Variants in PTPA observed in about 807,000 individuals in gnomAD.
PTPA encodes serine/threonine-protein phosphatase 2A activator.
Under a neutral mutation model 43.6 loss-of-function variants are expected in PTPA, and 13 were observed. The observed-to-expected ratio is 0.30, with a 90% CI of 0.19 to 0.47. The LOEUF (loss-of-function observed/expected upper bound fraction) is 0.47. PTPA is among the 20% of genes least tolerant of loss of function. The pLI is 0.99. For synonymous variants in PTPA, 172 were observed against 158.2 expected (o/e 1.09, Z -0.66); for missense variants, 329 against 411.9 (o/e 0.80, Z 1.74).
intron 1 of PTPA, chr9:129,119,013 T>A: frequency 6.1e-6 from 1 of 164,218 alleles, no homozygotes; most frequent in Non-Finnish European, 1.4e-5. Context: ...GTTTTGTTTT[T>A]ATTGAGACAG....
At position 129,142,563 on chromosome 9, in the gene PTPA, G is replaced by T; in HGVS notation, c.894+11G>T. 6.2e-7 allele frequency: 1 copy of T among 1,614,036 alleles called. No homozygotes were observed. The highest frequency in any genetic ancestry group is 8.5e-7 in the Non-Finnish European group (1 of 1,179,958). Reference sequence around the variant, plus strand: ...ATGTATAAGGCCGAGGTGAGTGGGGGCTGGCCAGTGTGCCCGTCCCTGCTG... The same window carrying T: ...ATGTATAAGGCCGAGGTGAGTGGGGTCTGGCCAGTGTGCCCGTCCCTGCTG... On this transcript the variant is annotated intron_variant, in intron 9 of 9. Transcript: ENST00000393370.
At chr9:129,138,247 G>A (rs7870838) in intron 8 of PTPA, 9,624 of 173,756 alleles carry the variant, frequency 0.055, 947 homozygotes, top group African/African-American at 0.21. Flanking sequence ...CCAGCCCCAC[G>A]GCTGGGTTCT....
In PTPA at chr9:129,134,296, C is replaced by CTTTTTTTTT. The variant is rs68089837; in HGVS notation, c.461-479_461-471dup. 1.4e-4 allele frequency among the ~76,000 whole-genome samples: 8 copies of CTTTTTTTTT among 56,906 alleles called. 2 individuals carry two copies. The highest frequency in any genetic ancestry group is 5.5e-4 in the African/African-American group (7 of 12,790). The allele number at this position is 56,906 out of a possible 152,430, so 37.3% of individuals were successfully genotyped here. The stretch of plus-strand genomic sequence containing the variant: ...GAGTGGAATTATAGTACTGGTAGTT[C>CTTTTTTTTT]TTTTTTTTTTTTTTTTTTTTTTTTT... On this transcript the variant is annotated intron_variant, in intron 5 of 9. Coordinates refer to ENST00000393370, the MANE Select transcript of PTPA (RefSeq NM_178000.3).
chr9:129,143,159 C>T (rs1851019825), intron 9 of PTPA: 1 of 606,716 alleles, frequency 1.6e-6, no homozygotes, highest in African/African-American at 1.8e-5. Flanking sequence ...GTGTCTCCTG[C>T]CCTCTTGGCA....
At chr9:129,138,299 A>C (rs1850516672) in intron 8 of PTPA, among the ~76,000 whole-genome samples, 1 of 152,192 alleles carries the variant, frequency 6.6e-6, no homozygotes, top group African/African-American at 2.4e-5. Flanking sequence ...GATTCCTTGC[A>C]GTGGGCCCTG....
At chr9:129,143,265 T>A in intron 9 of PTPA, 1 of 700,384 alleles carries the variant, frequency 1.4e-6, no homozygotes, top group Non-Finnish European at 2.6e-6. Flanking sequence ...TCCTCCCACT[T>A]CCTGGGAAGA....
chr9:129,111,387 T>G, upstream of PTPA: 28 of 1,201,152 alleles, frequency 2.3e-5, no homozygotes, highest in Middle Eastern at 3.2e-4. Context: ...CGCCGGCCGT[T>G]AATAGGCTTG....
Position 129,147,659 on chromosome 9 carries a change from A to G in PTPA, c.*195A>G, listed in dbSNP as rs1316404521. The G allele has an allele frequency of 1.7e-6, 1 of 597,452 alleles. No homozygotes were observed. Among genetic ancestry groups the G allele is most frequent in the Non-Finnish European group, 2.9e-6 (1 of 340,444 alleles). The allele number at this position is 597,452 out of a possible 1,614,324, so 37.0% of individuals were successfully genotyped here. On this transcript the variant is annotated 3_prime_UTR_variant, in exon 10 of 10. Coordinates refer to ENST00000393370, the MANE Select transcript of PTPA (RefSeq NM_178000.3). ...AGGGCCCAAGTTGGGAGAAGTGACC[A>G]AAGTGTAGCCAGTTTTCTGAGTTCC...
intron 8 of PTPA, chr9:129,139,416 G>C (rs1397570100): frequency 6.6e-6 from 1 of 152,244 alleles, no homozygotes; most frequent in East Asian, 1.9e-4. Context: ...GCCTAGAGTT[G>C]TTGGCTGTTC....
intron 3 of PTPA, among the ~76,000 whole-genome samples, chr9:129,124,048 T>C (rs927532068): frequency 1.3e-5 from 2 of 152,132 alleles, no homozygotes; most frequent in African/African-American, 2.4e-5. Flanking sequence ...ACTGGAGAGA[T>C]CAGTAATAGA....
rs3118628 is a variant in PTPA, at chr9:129,123,000, G to C, written c.130-52G>C. 36 of 1,376,356 alleles carry C rather than the reference G, an allele frequency of 2.6e-5. No individual in the cohort carries two copies. In the South Asian group the frequency reaches 4.2e-4, roughly 16 times the overall value. The allele number at this position is 1,376,356 out of a possible 1,614,324, so 85.3% of individuals were successfully genotyped here. On this transcript the variant is annotated intron_variant, in intron 2 of 9. Transcript: ENST00000393370. The stretch of plus-strand genomic sequence containing the variant: ...TGGTGGAGCTCGGGGCAGGTGGGGC[G>C]GGGGGGTCTGCCACCCCTCTCCCCA...
At chr9:129,143,928 C>T (rs1250541132) in intron 9 of PTPA, among the ~76,000 whole-genome samples, 1 of 151,724 alleles carries the variant, frequency 6.6e-6, no homozygotes, top group Non-Finnish European at 1.5e-5. Context: ...TCCAGGGTGT[C>T]TGAGCATGTG....
At chr9:129,146,329 C>T (rs921010294) in intron 9 of PTPA, among the ~76,000 whole-genome samples, 4 of 152,212 alleles carry the variant, frequency 2.6e-5, no homozygotes, top group African/African-American at 4.8e-5. Flanking sequence ...TCCCTCCCCT[C>T]CTGGCGCCTC....
At chr9:129,137,835 G>A (rs751130221) in intron 8 of PTPA, 143 bp downstream of exon 8, 1 of 757,650 alleles carries the variant, frequency 1.3e-6, no homozygotes, top group South Asian at 1.5e-5. Flanking sequence ...TGAAAAGGAA[G>A]CACCACTGGG....
At chr9:129,146,679 T>G (rs1333587130) in intron 9 of PTPA, among the ~76,000 whole-genome samples, 1 of 152,224 alleles carries the variant, frequency 6.6e-6, no homozygotes, top group East Asian at 1.9e-4. Flanking sequence ...GAGCTGCAGC[T>G]GGAAGCTGGG....
At chr9:129,131,749 C>A in intron 5 of PTPA, 110 bp downstream of exon 5, 1 of 1,074,146 alleles carries the variant, frequency 9.3e-7, no homozygotes, top group Non-Finnish European at 1.4e-6. Flanking sequence ...AAGAATTCGC[C>A]AAGCACCTGC....
chr9:129,147,534 C>T lies in PTPA; in HGVS notation c.*70C>T, dbSNP rs981487876. Reference sequence around the variant, plus strand: ...TGCCTTCCCCACCCCAGCAGTGGCCCCTCCCCATCCCCTCCCTCTGTTCGT... The same window carrying T: ...TGCCTTCCCCACCCCAGCAGTGGCCTCTCCCCATCCCCTCCCTCTGTTCGT... On this transcript the variant is annotated 3_prime_UTR_variant, in exon 10 of 10. Transcript: ENST00000393370. The T allele has an allele frequency of 2.1e-6, 3 of 1,455,174 alleles. No individual in the cohort carries two copies. Among genetic ancestry groups the T allele is most frequent in the African/African-American group, 2.8e-5 (2 of 71,600 alleles). 90.1% of individuals were successfully genotyped at this position (1,455,174 alleles called of 1,614,324 possible).
intron 2 of PTPA, among the ~76,000 whole-genome samples, chr9:129,122,619 A>G (rs1381960410): frequency 2.0e-5 from 3 of 152,156 alleles, no homozygotes; most frequent in Non-Finnish European, 4.4e-5. Flanking sequence ...ATCATGGACA[A>G]GCATGTGCCC....
intron 1 of PTPA, among the ~76,000 whole-genome samples, chr9:129,116,450 G>A (rs1320078411): frequency 2.1e-5 from 3 of 143,902 alleles, no homozygotes; most frequent in Non-Finnish European, 4.5e-5. Flanking sequence ...GCAGTGGCAC[G>A]ATCTTGGCTC....
Sources: gnomAD v4.1 joint callset for allele counts (sites outside exome capture counted in the v4.1 genomes callset) on GRCh38, gnomAD v4.1.1 for gene constraint, MANE v1.5 for transcripts, NCBI Gene and HGNC (gene_info 2026-07-23, HGNC 2026-07-21) for gene names.